The following SND1 variants were observed in gnomAD, a reference collection of about 807,000 sequenced individuals.
SND1 encodes staphylococcal nuclease and tudor domain containing 1.
A neutral mutation model predicts 121.7 loss-of-function variants in SND1; 38 were observed. The observed-to-expected ratio is 0.31, with a 90% CI of 0.24 to 0.41. The LOEUF (loss-of-function observed/expected upper bound fraction) is 0.41. Ranked by LOEUF, SND1 falls within the 10% of genes least tolerant of loss-of-function variation. The probability of loss-of-function intolerance (pLI) is 1.00; values close to 1 mark genes in which losing one functional copy is unlikely to be tolerated. For missense variants in SND1, 868 were observed against 1,184.6 expected, an observed-to-expected ratio of 0.73 and a Z score of 3.92; for synonymous variants, 401 against 447.4, an observed-to-expected ratio of 0.90 and a Z score of 1.31.
At chr7:127,746,910 G>C (rs1796992667) in intron 10 of SND1, among the ~76,000 whole-genome samples, 1 of 152,196 alleles carries the variant, frequency 6.6e-6, no homozygotes, top group Non-Finnish European at 1.5e-5. Flanking sequence ...CATTTAAGTA[G>C]TCAGCATATG....
chr7:128,024,283 G>A (rs1216367672), intron 16 of SND1, among the ~76,000 whole-genome samples: 91 of 152,276 alleles, frequency 6.0e-4, no homozygotes, highest in African/African-American at 2.4e-5. Flanking sequence ...GTTTAGCTGA[G>A]GCAGGATTTA....
chr7:127,979,338 T>C (rs1802202924), intron 15 of SND1, among the ~76,000 whole-genome samples: 1 of 152,174 alleles, frequency 6.6e-6, no homozygotes, highest in African/African-American at 2.4e-5. Flanking sequence ...GATGGAGCAA[T>C]GGCGAGAGCA....
chr7:127,949,687 C>A (rs1386644853), intron 15 of SND1, among the ~76,000 whole-genome samples: 1 of 152,156 alleles, frequency 6.6e-6, no homozygotes, highest in African/African-American at 2.4e-5. Context: ...AACAAAATTT[C>A]TTTTCCAATC....
At chr7:127,847,203 C>T (rs1297128218) in intron 12 of SND1, among the ~76,000 whole-genome samples, 2 of 152,046 alleles carry the variant, frequency 1.3e-5, no homozygotes, top group African/African-American at 4.8e-5. Flanking sequence ...ACCCCGGAGG[C>T]GGGAGTTGCA....
At chr7:127,706,252 T>TCCCCCCCC (rs796132526) in intron 8 of SND1, among the ~76,000 whole-genome samples, 6 of 63,026 alleles carry the variant, frequency 9.5e-5, no homozygotes, top group African/African-American at 3.5e-4. Context: ...TTGCCCCCCC[T>TCCCCCCCC]CCCCCCCCCC....
intron 16 of SND1, chr7:128,028,556 T>C (rs1803548479): frequency 1.1e-6 from 1 of 905,250 alleles, no homozygotes; most frequent in African/African-American, 1.7e-5. Flanking sequence ...TCTGTTTTTT[T>C]TAACCAGCCC....
intron 15 of SND1, chr7:127,948,984 C>T (rs2116851542): frequency 6.6e-6 from 1 of 152,370 alleles, no homozygotes; most frequent in Admixed American, 6.5e-5. Context: ...GTTTCGCCCA[C>T]TTCACACATG....
chr7:127,788,332 C>A (rs1438883613), intron 10 of SND1, among the ~76,000 whole-genome samples: 2 of 152,174 alleles, frequency 1.3e-5, no homozygotes, highest in African/African-American at 2.4e-5. Flanking sequence ...GAGACAAATA[C>A]ATGGTTCCCA....
intron 10 of SND1, among the ~76,000 whole-genome samples, chr7:127,785,984 T>G (rs143795123): frequency 6.6e-6 from 1 of 152,338 alleles, no homozygotes; most frequent in East Asian, 1.9e-4. Flanking sequence ...TTATTTGGTT[T>G]CTACCTTAAC....
intron 16 of SND1, among the ~76,000 whole-genome samples, chr7:128,043,350 G>A (rs1792888300): frequency 6.6e-6 from 1 of 152,124 alleles, no homozygotes; most frequent in South Asian, 2.1e-4. Context: ...AAGGCAGGCA[G>A]ATCACTTGAG....
intron 16 of SND1, chr7:128,030,185 G>C (rs903833072): frequency 4.3e-6 from 7 of 1,614,140 alleles, no homozygotes; most frequent in Admixed American, 1.7e-5. Flanking sequence ...TGCGAAGCCA[G>C]AGCTCCCGCA....
chr7:127,700,994 T>A (rs1796090317), intron 4 of SND1, among the ~76,000 whole-genome samples, 169 bp from the exon 5 acceptor site: 1 of 152,190 alleles, frequency 6.6e-6, no homozygotes, highest in Non-Finnish European at 1.5e-5. Flanking sequence ...ATCTAGAAAT[T>A]GCAATCATGG....
chr7:127,653,230 AT>A (rs759848360), intron 1 of SND1, among the ~76,000 whole-genome samples: 5 of 152,216 alleles, frequency 3.3e-5, no homozygotes, highest in Admixed American at 6.5e-5. Context: ...TCAATTTTGA[AT>A]TTGAACCTGC....
chr7:127,943,301 G>T (rs973231994), intron 15 of SND1, among the ~76,000 whole-genome samples: 22 of 149,300 alleles, frequency 1.5e-4, no homozygotes, highest in African/African-American at 5.4e-4. Flanking sequence ...ATGTGAGGGG[G>T]TCCTTAGTTC....
At chr7:127,750,036 G>C (rs565126309) in intron 10 of SND1, among the ~76,000 whole-genome samples, 2 of 152,190 alleles carry the variant, frequency 1.3e-5, no homozygotes, top group South Asian at 2.1e-4. Context: ...GGAGGTGAAG[G>C]CTGCAGTGAG....
intron 1 of SND1, among the ~76,000 whole-genome samples, chr7:127,657,874 G>T (rs1012870241): frequency 3.3e-5 from 5 of 152,106 alleles, no homozygotes; most frequent in African/African-American, 1.2e-4. Flanking sequence ...AATAGTTTGG[G>T]TTTAACCTGA....
intron 10 of SND1, among the ~76,000 whole-genome samples, chr7:127,769,992 A>G (rs1354979378): frequency 3.3e-5 from 5 of 152,148 alleles, no homozygotes; most frequent in Admixed American, 6.5e-5. Flanking sequence ...TGACACATTC[A>G]TGTGAGGTAT....
At chr7:127,788,207 G>A (rs1267686950) in intron 10 of SND1, among the ~76,000 whole-genome samples, 2 of 152,150 alleles carry the variant, frequency 1.3e-5, no homozygotes, top group Non-Finnish European at 2.9e-5. Flanking sequence ...GGAAATGAAA[G>A]TCCAGAGAGA....
At chr7:127,689,641 C>T (rs1337586141) in intron 2 of SND1, among the ~76,000 whole-genome samples, 1 of 152,028 alleles carries the variant, frequency 6.6e-6, no homozygotes, top group Admixed American at 6.6e-5. Flanking sequence ...GGTGTAGTTC[C>T]ATATATTTAT....
Sources: gnomAD v4.1 joint callset for allele counts (sites outside exome capture counted in the v4.1 genomes callset) on GRCh38, gnomAD v4.1.1 for gene constraint, MANE v1.5 for transcripts, NCBI Gene and HGNC (gene_info 2026-07-23, HGNC 2026-07-21) for gene names.